The following LSAMP variants were observed in gnomAD, a reference collection of about 807,000 sequenced individuals.
LSAMP encodes the protein limbic system associated membrane protein, also known as limbic system-associated membrane protein.
Under a neutral mutation model 38.6 loss-of-function variants are expected in LSAMP, and 7 were observed. The ratio of observed to expected loss-of-function variants is 0.18; its 90% confidence interval spans 0.10 to 0.34. The LOEUF (loss-of-function observed/expected upper bound fraction) is 0.34, where lower values mean the gene tolerates loss of function less well. Ranked by LOEUF, LSAMP falls within the 10% of genes least tolerant of loss-of-function variation. LSAMP has a pLI of 1.00. For synonymous variants in LSAMP, 154 were observed against 166.8 expected, an observed-to-expected ratio of 0.92 and a Z score of 0.59; for missense variants, 313 against 420.0, an observed-to-expected ratio of 0.75 and a Z score of 2.23.
intron 1 of LSAMP, among the ~76,000 whole-genome samples, chr3:116,125,538 C>T (rs879540581): frequency 6.6e-6 from 1 of 152,110 alleles, no homozygotes; most frequent in Admixed American, 6.6e-5. Flanking sequence ...CCAACACTCT[C>T]TCAACTCTTT....
intron 1 of LSAMP, among the ~76,000 whole-genome samples, chr3:116,243,141 T>TACC (rs1396295906): frequency 1.6e-3 from 240 of 152,182 alleles, no homozygotes; most frequent in African/African-American, 5.4e-3. Flanking sequence ...AGGGGCAAAT[T>TACC]CAGAGCAATG....
At chr3:115,828,932 T>C (rs2107479403) in intron 6 of LSAMP, among the ~76,000 whole-genome samples, 1 of 152,208 alleles carries the variant, frequency 6.6e-6, no homozygotes, top group South Asian at 2.1e-4. Flanking sequence ...TGCAGGCAGA[T>C]CCAGATTCGA....
chr3:116,125,772 A>G (rs976377087), intron 1 of LSAMP, among the ~76,000 whole-genome samples: 3 of 152,218 alleles, frequency 2.0e-5, no homozygotes, highest in African/African-American at 7.2e-5. Context: ...AAGACTCAGC[A>G]GAGTGTACAT....
At chr3:116,104,389 A>G (rs541570009) in intron 1 of LSAMP, among the ~76,000 whole-genome samples, 22 of 149,726 alleles carry the variant, frequency 1.5e-4, no homozygotes, top group African/African-American at 5.6e-4. Flanking sequence ...ACCCTGCCCA[A>G]GGCAATGTTA....
intron 2 of LSAMP, among the ~76,000 whole-genome samples, chr3:116,038,358 A>T (rs1474511401): frequency 1.3e-5 from 2 of 152,152 alleles, no homozygotes; most frequent in Non-Finnish European, 2.9e-5. Flanking sequence ...AGAAATAGTG[A>T]TTTGAAATAT....
intron 6 of LSAMP, among the ~76,000 whole-genome samples, chr3:115,836,199 C>T (rs1030181440): frequency 7.2e-5 from 11 of 152,194 alleles, no homozygotes; most frequent in African/African-American, 2.6e-4. Context: ...TTGTTATTAC[C>T]GTCTTAGCTC....
chr3:116,204,036 A>G (rs2046029125), intron 1 of LSAMP, among the ~76,000 whole-genome samples: 1 of 151,376 alleles, frequency 6.6e-6, no homozygotes, highest in South Asian at 2.1e-4. Flanking sequence ...AAGTGTTCCT[A>G]TTTCTCCACA....
chr3:115,962,177 C>T (rs1455430075), intron 3 of LSAMP, among the ~76,000 whole-genome samples: 1 of 152,182 alleles, frequency 6.6e-6, no homozygotes, highest in Non-Finnish European at 1.5e-5. Flanking sequence ...AATGGCCATT[C>T]AGTCTCGGCT....
In LSAMP at chr3:116,313,264, T is replaced by C. The variant is rs115010592; in HGVS notation, c.155+131613A>G. 9.5e-3 allele frequency among the ~76,000 whole-genome samples: 1,454 copies of C among 152,298 alleles called. 28 individuals are homozygous for C. The highest frequency in any genetic ancestry group is 0.034 in the African/African-American group (1,413 of 41,568). ...TCTGTTGGAGTCACAGGAAACAAAATGTGCCCTTCTGCTGATGAAACTTTG... is the reference window on the plus strand; with the variant it reads ...TCTGTTGGAGTCACAGGAAACAAAACGTGCCCTTCTGCTGATGAAACTTTG... On this transcript the variant is annotated intron_variant, in intron 1 of 6. Transcript: ENST00000490035.
Position 115,875,665 on chromosome 3 carries a change from G to T in LSAMP, c.515-23048C>A, listed in dbSNP as rs750638885. On this transcript the variant is annotated intron_variant, in intron 3 of 6. Coordinates refer to ENST00000490035, the MANE Select transcript of LSAMP (RefSeq NM_002338.5). Reference sequence around the variant, plus strand: ...GTGGTCAAAGGAGCAGGCAAAGCTCGCTAGATTAGGGAAATTGTCCTCATT... The same window carrying T: ...GTGGTCAAAGGAGCAGGCAAAGCTCTCTAGATTAGGGAAATTGTCCTCATT... 2.6e-5 allele frequency among the ~76,000 whole-genome samples: 4 copies of T among 151,956 alleles called. No individual in the cohort carries two copies. In the South Asian group the frequency reaches 8.3e-4, roughly 32 times the overall value.
chr3:116,272,673 C>A (rs955120489), intron 1 of LSAMP, among the ~76,000 whole-genome samples: 1 of 152,096 alleles, frequency 6.6e-6, no homozygotes, highest in East Asian at 1.9e-4. Context: ...AATAACTATT[C>A]ATCTCCTGGA....
intron 1 of LSAMP, among the ~76,000 whole-genome samples, chr3:116,184,211 T>C (rs1275303698): frequency 6.6e-6 from 1 of 151,874 alleles, no homozygotes; most frequent in Non-Finnish European, 1.5e-5. Flanking sequence ...TGTATCAAAC[T>C]TTGCATGTAT....
At chr3:116,313,265 G>A (rs899068616) in intron 1 of LSAMP, among the ~76,000 whole-genome samples, 1 of 152,180 alleles carries the variant, frequency 6.6e-6, no homozygotes, top group Non-Finnish European at 1.5e-5. Flanking sequence ...GAAACAAAAT[G>A]TGCCCTTCTG....
At chr3:116,282,417 C>T (rs1559812238) in intron 1 of LSAMP, among the ~76,000 whole-genome samples, 1 of 152,162 alleles carries the variant, frequency 6.6e-6, no homozygotes, top group Non-Finnish European at 1.5e-5. Flanking sequence ...ATTTAACTGA[C>T]ATCAGTCTGT....
At chr3:115,920,608 A>G (rs1192970157) in intron 3 of LSAMP, among the ~76,000 whole-genome samples, 1 of 152,124 alleles carries the variant, frequency 6.6e-6, no homozygotes, top group Non-Finnish European at 1.5e-5. Flanking sequence ...TTTGTGACAT[A>G]TTATGGGATT....
intron 1 of LSAMP, among the ~76,000 whole-genome samples, chr3:116,169,555 G>A (rs1324789184): frequency 6.6e-6 from 1 of 152,066 alleles, no homozygotes; most frequent in East Asian, 1.9e-4. Context: ...ACAGCCCTAC[G>A]ACTGTGTTCA....
At chr3:116,067,098 CCCTTCAATGTGCAAATCCCACAAT>C (rs2107370796) in intron 2 of LSAMP, among the ~76,000 whole-genome samples, 1 of 152,226 alleles carries the variant, frequency 6.6e-6, no homozygotes, top group Non-Finnish European at 1.5e-5. Context: ...ATCAGTAACT[CCCTTCAATGTGCAAATCCCACAAT>C]CCTCACTTCA....
At chr3:116,141,572 C>G (rs1709371512) in intron 1 of LSAMP, among the ~76,000 whole-genome samples, 1 of 151,854 alleles carries the variant, frequency 6.6e-6, no homozygotes, top group South Asian at 2.1e-4. Context: ...TCCTAGGTCT[C>G]AGGTCCTCTT....
chr3:116,425,192 G>T (rs907997137), intron 1 of LSAMP, among the ~76,000 whole-genome samples: 24 of 152,268 alleles, frequency 1.6e-4, no homozygotes, highest in African/African-American at 5.1e-4. Context: ...GTAACGAACA[G>T]CATAGTGAGG....
Sources: gnomAD v4.1 joint callset for allele counts (sites outside exome capture counted in the v4.1 genomes callset) on GRCh38, gnomAD v4.1.1 for gene constraint, MANE v1.5 for transcripts, NCBI Gene and HGNC (gene_info 2026-07-23, HGNC 2026-07-21) for gene names.